THADA: variants seen among roughly 807,000 people sequenced by gnomAD.
The protein encoded by THADA is tRNA (32-2'-O)-methyltransferase regulator THADA.
THADA carries 213 observed loss-of-function variants against 219.8 expected under a neutral mutation model. The ratio of observed to expected loss-of-function variants is 0.97; its 90% confidence interval spans 0.87 to 1.09. The LOEUF is 1.09. THADA is among the 50% of genes least tolerant of loss of function. The probability of loss-of-function intolerance (pLI) is 0.00; values close to 1 mark genes in which losing one functional copy is unlikely to be tolerated. For missense variants in THADA, 2,956 were observed against 2,311.3 expected (o/e 1.28, Z -5.72); for synonymous variants, 1,018 against 828.9 (o/e 1.23, Z -3.92).
chr2:43,585,747 G>T (rs757888156), intron 7 of THADA, among the ~76,000 whole-genome samples: 12 of 152,046 alleles, frequency 7.9e-5, no homozygotes, highest in Non-Finnish European at 1.5e-4. Context: ...TATCCTCAGA[G>T]AAGTAACAGA....
chr2:43,504,826 G>C (rs1417370469), intron 24 of THADA, among the ~76,000 whole-genome samples: 2 of 152,218 alleles, frequency 1.3e-5, no homozygotes, highest in Non-Finnish European at 2.9e-5. Context: ...GGAGGTTGCA[G>C]TGAGCCACGA....
At position 43,286,980 on chromosome 2, in the gene THADA, A is replaced by G. The variant is rs761550054; in HGVS notation, c.5092T>C (p.Ser1698Pro). 6.2e-6 allele frequency: 10 copies of G among 1,613,900 alleles called. No individual in the cohort carries two copies. The highest frequency in any genetic ancestry group is 7.6e-6 in the Non-Finnish European group (9 of 1,179,874). The change falls in exon 35 of 38, where the codon TCT becomes CCT. Residue 1698 changes from serine (S) to proline (P), a missense_variant. Physicochemically the swap from Ser to Pro is moderately conservative, Grantham distance 74. Coordinates refer to ENST00000405975, the MANE Select transcript of THADA (RefSeq NM_022065.5). ...AGGACTTCAACGACGGCCAGCCTAG[A>G]CTCTGTAGGAAGATGGTCTTCACAT... The part of the protein sequence containing the change: ...LSCEDHLPTE[S>P]RLAVVEVLTS...
chr2:43,500,624 T>C (rs1311573696), intron 24 of THADA, among the ~76,000 whole-genome samples: 8 of 152,178 alleles, frequency 5.3e-5, no homozygotes, highest in Non-Finnish European at 1.0e-4. Flanking sequence ...CTTAATAAGA[T>C]ACTGGGTAGA....
At chr2:43,497,079 A>T (rs960603032) in intron 25 of THADA, among the ~76,000 whole-genome samples, 1 of 152,314 alleles carries the variant, frequency 6.6e-6, no homozygotes, top group Admixed American at 6.5e-5. Flanking sequence ...AAACTTTTAC[A>T]CTGTTGGTGG....
chr2:43,569,502 T>A (rs1699060235), intron 14 of THADA, among the ~76,000 whole-genome samples: 1 of 152,312 alleles, frequency 6.6e-6, no homozygotes, highest in East Asian at 1.9e-4. Flanking sequence ...TCTTTAAAGT[T>A]CAGGTTGTGA....
chr2:43,252,825 G>A (rs545529157), intron 36 of THADA, among the ~76,000 whole-genome samples: 1 of 152,280 alleles, frequency 6.6e-6, no homozygotes, highest in South Asian at 2.1e-4. Flanking sequence ...GCTGAGTAGC[G>A]GCAGTCTGCT....
rs546418114 is a variant in THADA at position 43,416,493 on chromosome 2, T to A, written c.4058+11607A>T. On this transcript the variant is annotated intron_variant, in intron 28 of 37. Coordinates refer to ENST00000405975, the MANE Select transcript of THADA (RefSeq NM_022065.5). ...TGAACAGAAAAATCTCATTAATGTT[T>A]CTTGGTTTTGTGATTATTCAGACTG... 2.6e-5 allele frequency among the ~76,000 whole-genome samples: 4 copies of A among 152,340 alleles called. No homozygotes were observed. The South Asian group carries it at 8.3e-4, about 32-fold the overall frequency.
intron 26 of THADA, among the ~76,000 whole-genome samples, chr2:43,442,261 C>A (rs1350156220): frequency 6.6e-6 from 1 of 152,042 alleles, no homozygotes; most frequent in Non-Finnish European, 1.5e-5. Flanking sequence ...CATGGTGAAA[C>A]CCTGTCTCTA....
intron 25 of THADA, among the ~76,000 whole-genome samples, chr2:43,492,489 C>T (rs1403638769): frequency 6.6e-6 from 1 of 152,050 alleles, no homozygotes; most frequent in Non-Finnish European, 1.5e-5. Flanking sequence ...AATGGACAGC[C>T]TACTATGTGC....
At chr2:43,455,518 T>TCACA (rs35958795) in intron 26 of THADA, among the ~76,000 whole-genome samples, 24 of 149,132 alleles carry the variant, frequency 1.6e-4, no homozygotes, top group Middle Eastern at 3.4e-3. Flanking sequence ...TCTCTCTCTC[T>TCACA]CACACACACA....
At chr2:43,393,638 G>T (rs1420811601) in intron 29 of THADA, among the ~76,000 whole-genome samples, 1 of 151,658 alleles carries the variant, frequency 6.6e-6, no homozygotes, top group Non-Finnish European at 1.5e-5. Flanking sequence ...AACCCAGAAG[G>T]CAGAGGTTGC....
chr2:43,579,779 C>T (rs10495903), intron 8 of THADA, among the ~76,000 whole-genome samples: 19,113 of 152,048 alleles, frequency 0.13, 1,297 homozygotes, highest in African/African-American at 0.16. Flanking sequence ...ATGGCAACCA[C>T]GAGGCAACAA....
intron 30 of THADA, among the ~76,000 whole-genome samples, chr2:43,328,328 G>C (rs183811730): frequency 6.6e-6 from 1 of 152,202 alleles, no homozygotes; most frequent in East Asian, 1.9e-4. Context: ...AGGACTGCTC[G>C]TTTACCTTGC....
chr2:43,525,206 G>A lies in THADA; in HGVS notation c.3374+2673C>T, dbSNP rs184133384. On this transcript the variant is annotated intron_variant, in intron 22 of 37. Coordinates refer to ENST00000405975, the MANE Select transcript of THADA (RefSeq NM_022065.5). ...CCATTTGTCTGGTGACCAAGACTTAGAATCACAGAAGCAACCATGAACTCC... is the reference window on the plus strand; with the variant it reads ...CCATTTGTCTGGTGACCAAGACTTAAAATCACAGAAGCAACCATGAACTCC... Among the ~76,000 whole-genome samples the A allele has an allele frequency of 1.3e-4, 20 of 152,254 alleles. No individual in the cohort carries two copies. In the East Asian group the frequency reaches 3.5e-3, roughly 26 times the overall value.
At chr2:43,588,928 T>C (rs950078426) in intron 4 of THADA, among the ~76,000 whole-genome samples, 1 of 152,174 alleles carries the variant, frequency 6.6e-6, no homozygotes, top group African/African-American at 2.4e-5. Flanking sequence ...ATGTAATATG[T>C]ACCATATATA....
intron 26 of THADA, among the ~76,000 whole-genome samples, chr2:43,431,676 T>G (rs866554175): frequency 2.8e-3 from 128 of 45,998 alleles, no homozygotes; most frequent in African/African-American, 0.017. Context: ...TTTTTTTTTT[T>G]TTTTTTGAGA....
At position 43,559,284 on chromosome 2, in the gene THADA, G is replaced by A. The variant is rs182883865; in HGVS notation, c.2463+950C>T. Among the ~76,000 whole-genome samples, 3 of 152,218 alleles carry A rather than the reference G, an allele frequency of 2.0e-5. No individual in the cohort carries two copies. In the East Asian group the frequency reaches 5.8e-4, roughly 29 times the overall value. The stretch of plus-strand genomic sequence containing the variant: ...GATGCTGTACAGCAACTTCCAATAT[G>A]GACCCAAGTCAAAAAAGATTGATGT... On this transcript the variant is annotated intron_variant, in intron 16 of 37. Transcript: ENST00000405975.
In THADA at chr2:43,453,162, G is replaced by A. The variant is rs565139943; in HGVS notation, c.3837-22860C>T. 3.9e-5 allele frequency among the ~76,000 whole-genome samples: 6 copies of A among 152,310 alleles called. No homozygotes were observed. The South Asian group carries it at 1.2e-3, about 32-fold the overall frequency. ...ACACAATGCTGTCTATAGGTATGATGTGATGTCTGGTATACACATATTTTC... is the reference window on the plus strand; with the variant it reads ...ACACAATGCTGTCTATAGGTATGATATGATGTCTGGTATACACATATTTTC... On this transcript the variant is annotated intron_variant, in intron 26 of 37. Transcript: ENST00000405975.
chr2:43,516,103 G>A (rs974389704), intron 22 of THADA, among the ~76,000 whole-genome samples: 22 of 152,118 alleles, frequency 1.4e-4, no homozygotes, highest in African/African-American at 4.8e-4. Context: ...TCCAGATTCA[G>A]ATCACGTTTT....
Sources: allele counts gnomAD v4.1 joint callset (sites outside exome capture counted in the v4.1 genomes callset), GRCh38; gene constraint gnomAD v4.1.1; transcripts MANE v1.5; gene names NCBI Gene and HGNC (gene_info 2026-07-23, HGNC 2026-07-21).